Variants in LINGO1 observed in about 807,000 individuals in gnomAD.
The protein encoded by LINGO1 is leucine-rich repeat and immunoglobulin-like domain-containing nogo receptor-interacting protein 1.
LINGO1 carries 11 observed loss-of-function variants against 37.3 expected under a neutral mutation model. That is an observed-to-expected ratio of 0.29 (90% CI 0.19 to 0.49). The LOEUF is 0.49. Ranked by LOEUF, LINGO1 falls within the 20% of genes least tolerant of loss-of-function variation. LINGO1 has a pLI of 0.99. For missense variants in LINGO1, 585 were observed against 878.2 expected (o/e 0.67, Z 4.22); for synonymous variants, 387 against 403.0 (o/e 0.96, Z 0.48).
At chr15:77,709,402 C>T (rs972124815) in intron 2 of LINGO1, among the ~76,000 whole-genome samples, 2 of 152,166 alleles carry the variant, frequency 1.3e-5, no homozygotes, top group Non-Finnish European at 2.9e-5. Flanking sequence ...GTCATCATTC[C>T]CGTCCCACCG....
At chr15:77,715,982 T>C (rs1050854109) in intron 2 of LINGO1, among the ~76,000 whole-genome samples, 14 of 152,218 alleles carry the variant, frequency 9.2e-5, no homozygotes, top group Non-Finnish European at 1.9e-4. Flanking sequence ...TGTGAGTGGA[T>C]GTGTCCTGCA....
chr15:77,687,667 G>A (rs2075535460), intron 2 of LINGO1, among the ~76,000 whole-genome samples: 1 of 152,218 alleles, frequency 6.6e-6, no homozygotes, highest in African/African-American at 2.4e-5. Flanking sequence ...AAGCCAAAGT[G>A]AAAAAGTGCT....
At chr15:77,651,711 C>T (rs2074761371) in intron 3 of LINGO1, 1 of 152,230 alleles carries the variant, frequency 6.6e-6, no homozygotes, top group Non-Finnish European at 1.5e-5. Context: ...AGAACAAGCT[C>T]ATACAAACTC....
chr15:77,776,191 T>C (rs193293122), intron 1 of LINGO1, among the ~76,000 whole-genome samples: 20 of 150,154 alleles, frequency 1.3e-4, no homozygotes, highest in African/African-American at 4.7e-4. Context: ...GCTGTAAATA[T>C]TACGTCTTCC....
intron 1 of LINGO1, among the ~76,000 whole-genome samples, chr15:77,741,332 T>A (rs2076262099): frequency 1.3e-5 from 2 of 152,172 alleles, no homozygotes; most frequent in South Asian, 4.1e-4. Context: ...CCCACCCACA[T>A]TACACTGTCC....
chr15:77,621,668 C>T (rs2073925376), intron 1 of LINGO1, among the ~76,000 whole-genome samples: 1 of 152,178 alleles, frequency 6.6e-6, no homozygotes, highest in Non-Finnish European at 1.5e-5. Flanking sequence ...GGCATCTGCC[C>T]CCAAACCCGA....
intron 2 of LINGO1, among the ~76,000 whole-genome samples, chr15:77,715,299 G>C (rs1186652470): frequency 6.6e-6 from 1 of 152,232 alleles, no homozygotes. Flanking sequence ...TGGCTTGGGG[G>C]CCTAGGAGGG....
chr15:77,615,881 G>A lies in LINGO1; in HGVS notation c.26C>T (p.Ala9Val), dbSNP rs1051425842. The A allele has an allele frequency of 7.5e-6, 11 of 1,471,128 alleles. No individual in the cohort carries two copies. Among genetic ancestry groups the A allele is most frequent in the African/African-American group, 1.4e-5 (1 of 71,090 alleles). 91.1% of individuals were successfully genotyped at this position (1,471,128 alleles called of 1,614,324 possible). ...GCTGGGCATGCTCCTCACGCCCCCC[G>A]CCAGCATCCTCTTGCTCACCTGCAG... Reference protein sequence around the residue: MQVSKRMLAGGVRSMPSPL... With the variant: MQVSKRMLVGGVRSMPSPL... The change falls in exon 2 of 2, where the codon GCG becomes GTG. Residue 9 changes from alanine (A) to valine (V), a missense_variant. This residue lies in a region of LINGO1 where 65 missense variants were observed against 57.0 expected (regional missense o/e 1.14). Transcript: ENST00000355300.
At chr15:77,761,977 C>G (rs2076482224) in intron 1 of LINGO1, among the ~76,000 whole-genome samples, 1 of 152,158 alleles carries the variant, frequency 6.6e-6, no homozygotes, top group Non-Finnish European at 1.5e-5. Flanking sequence ...GGCCCTGACC[C>G]TTTCTGACCC....
intron 1 of LINGO1, among the ~76,000 whole-genome samples, chr15:77,778,331 C>G (rs114671841): frequency 6.6e-6 from 1 of 152,214 alleles, no homozygotes; most frequent in Non-Finnish European, 1.5e-5. Flanking sequence ...GATACTTAAC[C>G]ACCACTCTGC....
intron 2 of LINGO1, among the ~76,000 whole-genome samples, chr15:77,702,338 G>A (rs1254095662): frequency 6.6e-6 from 1 of 152,150 alleles, no homozygotes; most frequent in African/African-American, 2.4e-5. Context: ...CAGACAAGCT[G>A]CCTCTCCCCA....
chr15:77,711,888 G>GC (rs1481370141), intron 2 of LINGO1, among the ~76,000 whole-genome samples: 5 of 151,872 alleles, frequency 3.3e-5, no homozygotes, highest in Non-Finnish European at 7.4e-5. Context: ...CTCTGAGGGG[G>GC]GGGCACACAG....
At chr15:77,716,342 G>A (rs944806413) in intron 2 of LINGO1, among the ~76,000 whole-genome samples, 3 of 139,812 alleles carry the variant, frequency 2.1e-5, no homozygotes, top group Non-Finnish European at 4.6e-5. Flanking sequence ...GTGCAGTGGT[G>A]TGATCACAGC....
chr15:77,667,166 T>A (rs2075148478), intron 3 of LINGO1: 1 of 152,536 alleles, frequency 6.6e-6, no homozygotes, highest in East Asian at 1.9e-4. Flanking sequence ...GGGCATGTGA[T>A]TGCCTTGCTG....
At chr15:77,636,654 CAA>C (rs1489888186), upstream of LINGO1, among the ~76,000 whole-genome samples, 1 of 152,018 alleles carries the variant, frequency 6.6e-6, no homozygotes, top group Non-Finnish European at 1.5e-5. Flanking sequence ...CTCCCTGGGC[CAA>C]AGTTTCCCCA....
Position 77,620,914 on chromosome 15 carries a change from C to A in LINGO1, c.7-5014G>T, listed in dbSNP as rs566963398. On this transcript the variant is annotated intron_variant, in intron 1 of 1. Coordinates refer to ENST00000355300, the MANE Select transcript of LINGO1 (RefSeq NM_032808.7). ...GAGAGGGCTCAGGAGTCACTCTGTG[C>A]CATAGGCAGCATCTGGAGGTCCAGG... Among the ~76,000 whole-genome samples, 15 of 152,280 alleles carry A rather than the reference C, an allele frequency of 9.9e-5. No individual in the cohort carries two copies. In the East Asian group the frequency reaches 2.9e-3, roughly 29 times the overall value.
intron 2 of LINGO1, among the ~76,000 whole-genome samples, chr15:77,723,588 C>T (rs1248115253): frequency 6.6e-6 from 1 of 152,168 alleles, no homozygotes; most frequent in Non-Finnish European, 1.5e-5. Context: ...AACTGAGGCT[C>T]AGGGAGATTG....
At chr15:77,629,285 C>T (rs947651452) in intron 1 of LINGO1, among the ~76,000 whole-genome samples, 4 of 147,356 alleles carry the variant, frequency 2.7e-5, no homozygotes, top group South Asian at 4.2e-4. Context: ...GATATTCATT[C>T]GTTCGCTTGT....
At chr15:77,620,112 C>A (rs979784756) in intron 1 of LINGO1, among the ~76,000 whole-genome samples, 1 of 152,242 alleles carries the variant, frequency 6.6e-6, no homozygotes, top group Non-Finnish European at 1.5e-5. Flanking sequence ...CTCCTGCCAT[C>A]CTGGCACTGT....
Sources: allele counts gnomAD v4.1 joint callset (sites outside exome capture counted in the v4.1 genomes callset), GRCh38; gene constraint gnomAD v4.1.1; regional missense constraint gnomAD v4.1.1; transcripts MANE v1.5; gene names NCBI Gene and HGNC (gene_info 2026-07-23, HGNC 2026-07-21).